The following ZNF704 variants were observed in gnomAD, a reference collection of about 807,000 sequenced individuals.
ZNF704 encodes zinc finger protein 704, also known as glucocorticoid induced gene 1.
Under a neutral mutation model 44.7 loss-of-function variants are expected in ZNF704, and 10 were observed. The observed-to-expected ratio is 0.22, with a 90% CI of 0.14 to 0.38. ZNF704 has a LOEUF of 0.38. Ranked by LOEUF, ZNF704 falls within the 10% of genes least tolerant of loss-of-function variation. The probability of loss-of-function intolerance (pLI) is 1.00; values close to 1 mark genes in which losing one functional copy is unlikely to be tolerated. For missense variants in ZNF704, 390 were observed against 545.5 expected, an observed-to-expected ratio of 0.71 and a Z score of 2.84; for synonymous variants, 211 against 207.6, an observed-to-expected ratio of 1.02 and a Z score of -0.14.
chr8:80,687,141 G>C (rs1818551369), intron 4 of ZNF704, 85 bp downstream of exon 4: 7 of 1,184,908 alleles, frequency 5.9e-6, no homozygotes, highest in Non-Finnish European at 7.3e-6. Context: ...GTAGGTCCAA[G>C]GTTAAGCTCA....
chr8:80,756,802 G>C (rs1332824874), intron 2 of ZNF704, among the ~76,000 whole-genome samples: 1 of 152,188 alleles, frequency 6.6e-6, no homozygotes, highest in Non-Finnish European at 1.5e-5. Context: ...AACCTTCTGA[G>C]TGCTAGTTAA....
At chr8:80,764,193 T>C (rs977227683) in intron 2 of ZNF704, among the ~76,000 whole-genome samples, 2 of 152,222 alleles carry the variant, frequency 1.3e-5, no homozygotes. Context: ...ATTTATTGTA[T>C]TGGTAAATAC....
At chr8:80,862,733 C>T (rs1156722338) in intron 1 of ZNF704, among the ~76,000 whole-genome samples, 1 of 145,098 alleles carries the variant, frequency 6.9e-6, no homozygotes, top group Non-Finnish European at 1.5e-5. Context: ...CCAGTGTACT[C>T]CAGCCTGGGC....
At chr8:80,652,175 G>C (rs1817932698) in intron 7 of ZNF704, among the ~76,000 whole-genome samples, 1 of 152,116 alleles carries the variant, frequency 6.6e-6, no homozygotes, top group African/African-American at 2.4e-5. Context: ...GCAGTGTGTA[G>C]AGGGAAATTT....
intron 7 of ZNF704, among the ~76,000 whole-genome samples, chr8:80,653,866 G>T (rs1365465440): frequency 5.3e-5 from 8 of 152,222 alleles, no homozygotes; most frequent in African/African-American, 1.7e-4. Context: ...AACCAAAAAA[G>T]AGCCCGCATT....
chr8:80,786,731 C>G (rs892900650), intron 2 of ZNF704, among the ~76,000 whole-genome samples: 3 of 152,136 alleles, frequency 2.0e-5, no homozygotes, highest in African/African-American at 7.2e-5. Flanking sequence ...TCACCAATGG[C>G]TTGTCCTGGA....
chr8:80,862,187 T>C (rs13277403), intron 1 of ZNF704, among the ~76,000 whole-genome samples: 1 of 151,680 alleles, frequency 6.6e-6, no homozygotes, highest in African/African-American at 2.4e-5. Context: ...GTAGAAAAAA[T>C]GACTTTTTCA....
chr8:80,878,519 A>G (rs1198658997), upstream of ZNF704, among the ~76,000 whole-genome samples: 1 of 152,218 alleles, frequency 6.6e-6, no homozygotes, highest in Non-Finnish European at 1.5e-5. Flanking sequence ...TTTAAAAATT[A>G]TTTTAAAAGT....
At chr8:80,766,876 C>A (rs963838869) in intron 2 of ZNF704, among the ~76,000 whole-genome samples, 10 of 152,064 alleles carry the variant, frequency 6.6e-5, no homozygotes, top group Non-Finnish European at 1.2e-4. Context: ...CCATGCTTGG[C>A]TAATTTTTGT....
At chr8:80,866,687 G>T (rs893719640) in intron 1 of ZNF704, among the ~76,000 whole-genome samples, 2 of 151,962 alleles carry the variant, frequency 1.3e-5, no homozygotes, top group Non-Finnish European at 2.9e-5. Flanking sequence ...GGAGGGAAAG[G>T]CTCCCTTACT....
At chr8:80,765,692 C>T (rs1356665938) in intron 2 of ZNF704, among the ~76,000 whole-genome samples, 1 of 152,080 alleles carries the variant, frequency 6.6e-6, no homozygotes, top group Non-Finnish European at 1.5e-5. Context: ...AGGGATTTTA[C>T]AGTTTAGGGA....
At chr8:80,712,846 T>G (rs963394794) in intron 2 of ZNF704, among the ~76,000 whole-genome samples, 7 of 151,046 alleles carry the variant, frequency 4.6e-5, no homozygotes, top group African/African-American at 7.4e-5. Context: ...TTTGAGTTAA[T>G]TTTTGTAGAT....
At chr8:80,763,763 T>A (rs1807172729) in intron 2 of ZNF704, among the ~76,000 whole-genome samples, 2 of 152,228 alleles carry the variant, frequency 1.3e-5, no homozygotes, top group Admixed American at 1.3e-4. Context: ...ATTGTCAGGC[T>A]GCACATTTTC....
chr8:80,688,692 T>C (rs1371353274), intron 3 of ZNF704, among the ~76,000 whole-genome samples: 1 of 152,192 alleles, frequency 6.6e-6, no homozygotes, highest in Non-Finnish European at 1.5e-5. Flanking sequence ...ACCTTCCCAT[T>C]TGTGGTGGAA....
In ZNF704 at chr8:80,670,446, G is replaced by A. The variant is rs112534292; in HGVS notation, c.659+57C>T. ...AGTGTGGTGTGCAATTTCTGAGTGC[G>A]GGTGGCCCTAGACTGAGCAGATGGG... On this transcript the variant is annotated intron_variant, in intron 5 of 8. Transcript: ENST00000327835. The A allele has an allele frequency of 3.8e-4, 479 of 1,255,448 alleles. 2 individuals are homozygous for A. In the African/African-American group the frequency reaches 6.4e-3, roughly 17 times the overall value. The allele number at this position is 1,255,448 out of a possible 1,614,324, so 77.8% of individuals were successfully genotyped here.
chr8:80,826,607 C>A (rs1236918548), intron 1 of ZNF704, among the ~76,000 whole-genome samples: 3 of 152,094 alleles, frequency 2.0e-5, no homozygotes, highest in Non-Finnish European at 4.4e-5. Context: ...CAAAGCCGGG[C>A]AGAGACACAA....
chr8:80,862,789 AAAG>A (rs1165130456), intron 1 of ZNF704, among the ~76,000 whole-genome samples: 8 of 151,034 alleles, frequency 5.3e-5, no homozygotes, highest in Non-Finnish European at 1.2e-4. Context: ...AAAAAAAAAA[AAAG>A]AATAAGGAGC....
At chr8:80,779,203 A>C (rs1807469177) in intron 2 of ZNF704, among the ~76,000 whole-genome samples, 1 of 151,742 alleles carries the variant, frequency 6.6e-6, no homozygotes, top group Non-Finnish European at 1.5e-5. Context: ...TGACATTTAA[A>C]AAAAATTCCA....
At chr8:80,734,835 T>G (rs1585989631) in intron 2 of ZNF704, among the ~76,000 whole-genome samples, 1 of 152,376 alleles carries the variant, frequency 6.6e-6, no homozygotes, top group East Asian at 1.9e-4. Context: ...TGTCTGCCAT[T>G]TGGAGCTGGC....
Sources: allele counts gnomAD v4.1 joint callset (sites outside exome capture counted in the v4.1 genomes callset), GRCh38; gene constraint gnomAD v4.1.1; transcripts MANE v1.5; gene names NCBI Gene and HGNC (gene_info 2026-07-23, HGNC 2026-07-21).